The following TOX variants were observed in gnomAD, a reference collection of about 807,000 sequenced individuals.
TOX encodes the protein thymocyte selection associated high mobility group box, also known as thymocyte selection-associated high mobility group box protein TOX.
A neutral mutation model predicts 53.7 loss-of-function variants in TOX; 11 were observed. That is an observed-to-expected ratio of 0.20 (90% CI 0.13 to 0.34). The LOEUF is 0.34. Ranked by LOEUF, TOX falls within the 10% of genes least tolerant of loss-of-function variation. TOX has a pLI of 1.00. For synonymous variants in TOX, 225 were observed against 245.3 expected, an observed-to-expected ratio of 0.92 and a Z score of 0.77; for missense variants, 570 against 664.6, an observed-to-expected ratio of 0.86 and a Z score of 1.56.
chr8:58,881,643 G>T (rs1811384312), intron 3 of TOX, among the ~76,000 whole-genome samples: 2 of 147,618 alleles, frequency 1.4e-5, no homozygotes. Context: ...AGAATCGCTG[G>T]AACTTGGGAG....
At position 59,118,965 on chromosome 8, in the gene TOX, G is replaced by A; in HGVS notation, c.23C>T (p.Pro8Leu). Residue 8 changes from proline (P) to leucine (L), a missense_variant, in exon 1 of 9, where the codon CCT becomes CTT. Pro to Leu is a moderately conservative substitution (Grantham distance 98, BLOSUM62 -3). Coordinates refer to ENST00000361421, the MANE Select transcript of TOX (RefSeq NM_014729.3). The surrounding 1 kb of genome is among the most constrained non-coding windows in gnomAD (Gnocchi z 4.1). The part of the protein sequence containing the change: MDVRFYP[P>L]PAQPAAAPDA... ...GGGCGCAGCGGCGGGCTGGGCTGGA[G>A]GTGGATAAAATCTTACGTCCATTTC... 1.2e-6 allele frequency: 2 copies of A among 1,604,172 alleles called. No individual in the cohort carries two copies. The highest frequency in any genetic ancestry group is 1.7e-6 in the Non-Finnish European group (2 of 1,174,794).
At chr8:58,934,836 C>A (rs372353591) in intron 3 of TOX, among the ~76,000 whole-genome samples, 1 of 152,158 alleles carries the variant, frequency 6.6e-6, no homozygotes, top group Non-Finnish European at 1.5e-5. Context: ...TACTGGTCTG[C>A]GTAATCTTAA....
chr8:59,007,560 T>C (rs1813815239), intron 1 of TOX, among the ~76,000 whole-genome samples: 1 of 152,220 alleles, frequency 6.6e-6, no homozygotes, highest in Non-Finnish European at 1.5e-5. Context: ...AATAATGGTA[T>C]CTGAGTAACT....
intron 1 of TOX, among the ~76,000 whole-genome samples, chr8:59,038,138 T>G (rs1057373884): frequency 6.6e-6 from 1 of 152,244 alleles, no homozygotes; most frequent in Non-Finnish European, 1.5e-5. Flanking sequence ...TATGCCATAG[T>G]TAAAATGGTA....
At chr8:58,856,527 A>G (rs1810918860) in intron 3 of TOX, among the ~76,000 whole-genome samples, 2 of 152,278 alleles carry the variant, frequency 1.3e-5, no homozygotes, top group East Asian at 3.9e-4. Context: ...AGATGAAAAG[A>G]CTTGATTAAT....
At chr8:59,065,510 G>A (rs754853295) in intron 1 of TOX, among the ~76,000 whole-genome samples, 2 of 152,078 alleles carry the variant, frequency 1.3e-5, no homozygotes, top group Non-Finnish European at 2.9e-5. Context: ...TTGCATATTC[G>A]AATTTAAGAT....
chr8:58,997,080 T>A (rs1352352670), intron 1 of TOX, among the ~76,000 whole-genome samples: 1 of 152,208 alleles, frequency 6.6e-6, no homozygotes, highest in African/African-American at 2.4e-5. Context: ...TAGCACACTC[T>A]GAAAGAGATC....
intron 1 of TOX, among the ~76,000 whole-genome samples, chr8:59,013,852 T>C (rs1229589945): frequency 1.3e-5 from 2 of 152,222 alleles, no homozygotes; most frequent in Admixed American, 6.5e-5. Context: ...AATCAAGTCA[T>C]GTTGTTTCCT....
intron 1 of TOX, among the ~76,000 whole-genome samples, chr8:59,095,098 C>T (rs1469300226): frequency 1.3e-5 from 2 of 152,184 alleles, no homozygotes; most frequent in South Asian, 2.1e-4. Context: ...ATGTTCTAAG[C>T]ATAAGGGACA....
intron 1 of TOX, among the ~76,000 whole-genome samples, chr8:59,085,501 G>A (rs1334203459): frequency 6.6e-6 from 1 of 151,982 alleles, no homozygotes; most frequent in Non-Finnish European, 1.5e-5. Context: ...TGATCCTCCT[G>A]CCTCAGCCTC....
intron 3 of TOX, among the ~76,000 whole-genome samples, chr8:58,921,186 A>T (rs1379485889): frequency 2.6e-5 from 4 of 152,264 alleles, no homozygotes; most frequent in Non-Finnish European, 4.4e-5. Context: ...CTCTTGAACA[A>T]GTGCAAGCTA....
chr8:58,973,623 TATAA>T (rs778111459), intron 1 of TOX, among the ~76,000 whole-genome samples: 9 of 152,026 alleles, frequency 5.9e-5, no homozygotes, highest in Non-Finnish European at 8.8e-5. Context: ...AACCATATAG[TATAA>T]GTAATTCCAT....
chr8:58,896,741 G>A (rs1325389432), intron 3 of TOX, among the ~76,000 whole-genome samples: 1 of 152,020 alleles, frequency 6.6e-6, no homozygotes, highest in Non-Finnish European at 1.5e-5. Context: ...CCTTAAGGGA[G>A]GAAATGCCAT....
At chr8:59,109,622 C>A (rs1804976898) in intron 1 of TOX, among the ~76,000 whole-genome samples, 1 of 152,048 alleles carries the variant, frequency 6.6e-6, no homozygotes, top group Non-Finnish European at 1.5e-5. Context: ...CTTTATTAAC[C>A]ACTAGACATG....
intron 1 of TOX, among the ~76,000 whole-genome samples, chr8:59,016,108 GTCTTC>G: frequency 6.6e-6 from 1 of 152,006 alleles, no homozygotes. Context: ...CACTAAATTG[GTCTTC>G]TCTTCTTAAA....
At position 59,039,828 on chromosome 8, in the gene TOX, G is replaced by C. The variant is rs528711998; in HGVS notation, c.102+79058C>G. Among the ~76,000 whole-genome samples, 3 of 151,730 alleles carry C rather than the reference G, an allele frequency of 2.0e-5. No individual in the cohort carries two copies. In the East Asian group the frequency reaches 5.8e-4, roughly 29 times the overall value. On this transcript the variant is annotated intron_variant, in intron 1 of 8. Transcript: ENST00000361421. ...ATTTACTTTCTGGTTTTGGACAGAG[G>C]AGAGCTAATTTAAATAATTTTTTTT...
Position 59,103,941 on chromosome 8 carries a change from TA to T in TOX, c.102+14944del, listed in dbSNP as rs879334250. ...CATGCTAATGTCTGGGCTTATCAAT[TA>T]AAAAATTAATCTGCATGTAGACTAC... On this transcript the variant is annotated intron_variant, in intron 1 of 8. Coordinates refer to ENST00000361421, the MANE Select transcript of TOX (RefSeq NM_014729.3). 1.1e-4 allele frequency among the ~76,000 whole-genome samples: 16 copies of T among 152,176 alleles called. No homozygotes were observed. The South Asian group carries it at 1.7e-3, about 16-fold the overall frequency.
rs1320556381 is a variant in TOX at position 58,851,129 on chromosome 8, T to A, written c.693+395A>T. Among the ~76,000 whole-genome samples the A allele has an allele frequency of 6.6e-6, 1 of 150,398 alleles. No homozygotes were observed. Among genetic ancestry groups the A allele is most frequent in the African/African-American group, 2.5e-5 (1 of 40,790 alleles). Reference sequence around the variant, plus strand: ...GTGGCCACAAAGGTTTCATGTAACATCATCACCATACATCTCCTCTCTCTC... The same window carrying A: ...GTGGCCACAAAGGTTTCATGTAACAACATCACCATACATCTCCTCTCTCTC... On this transcript the variant is annotated intron_variant, in intron 4 of 8. Transcript: ENST00000361421. This position sits in a 1 kb window ranked among gnomAD's most constrained non-coding sequence, Gnocchi z 4.4.
At chr8:58,997,382 C>T (rs776919857) in intron 1 of TOX, among the ~76,000 whole-genome samples, 1 of 152,198 alleles carries the variant, frequency 6.6e-6, no homozygotes, top group African/African-American at 2.4e-5. Context: ...AAACTATTTA[C>T]GTGCACTTGC....
Sources: gnomAD v4.1 joint callset for allele counts (sites outside exome capture counted in the v4.1 genomes callset) on GRCh38, gnomAD v4.1.1 for gene constraint, Gnocchi (gnomAD v3.1) non-coding constraint, MANE v1.5 for transcripts, NCBI Gene and HGNC (gene_info 2026-07-23, HGNC 2026-07-21) for gene names.